The following PTPRE variants were observed in gnomAD, a reference collection of about 807,000 sequenced individuals.
The protein encoded by PTPRE is protein tyrosine phosphatase receptor type E, also known as receptor-type tyrosine-protein phosphatase epsilon.
A neutral mutation model predicts 102.0 loss-of-function variants in PTPRE; 51 were observed. The ratio of observed to expected loss-of-function variants is 0.50; its 90% confidence interval spans 0.40 to 0.63. The LOEUF (loss-of-function observed/expected upper bound fraction) is 0.63. Ranked by LOEUF, PTPRE falls within the 30% of genes least tolerant of loss-of-function variation. PTPRE has a pLI of 0.00. For synonymous variants in PTPRE, 345 were observed against 348.2 expected (o/e 0.99, Z 0.10); for missense variants, 752 against 915.1 (o/e 0.82, Z 2.30).
At chr10:127,939,960 G>A (rs1210918755) in intron 1 of PTPRE, among the ~76,000 whole-genome samples, 1 of 151,718 alleles carries the variant, frequency 6.6e-6, no homozygotes, top group Non-Finnish European at 1.5e-5. Flanking sequence ...GTGAGGGCAG[G>A]CGCAGGCAGA....
intron 2 of PTPRE, among the ~76,000 whole-genome samples, chr10:127,995,090 A>T (rs903242702): frequency 3.3e-5 from 5 of 152,150 alleles, no homozygotes. Context: ...GCCCAGTCCC[A>T]TGGTGGTGCC....
intron 1 of PTPRE, among the ~76,000 whole-genome samples, chr10:127,955,906 C>A (rs1831090): frequency 2.6e-5 from 4 of 151,812 alleles, no homozygotes; most frequent in African/African-American, 9.7e-5. Context: ...ACCTTTTAAA[C>A]CATCAGATCT....
Position 127,920,852 on chromosome 10 carries a change from G to A in PTPRE, c.-31+13543G>A, listed in dbSNP as rs1284543046. 2.0e-5 allele frequency among the ~76,000 whole-genome samples: 3 copies of A among 152,322 alleles called. No homozygotes were observed. In the East Asian group the frequency reaches 5.8e-4, roughly 29 times the overall value. ...AAGGCCCTGGCTCTCTCTCATATGTGCTCTGACAGACTCAGTCCTGTGGGG... is the reference window on the plus strand; with the variant it reads ...AAGGCCCTGGCTCTCTCTCATATGTACTCTGACAGACTCAGTCCTGTGGGG... On this transcript the variant is annotated intron_variant, in intron 1 of 20. Coordinates refer to ENST00000254667, the MANE Select transcript of PTPRE (RefSeq NM_006504.6).
intron 1 of PTPRE, among the ~76,000 whole-genome samples, chr10:127,973,943 A>G (rs898736320): frequency 3.3e-5 from 5 of 152,018 alleles, no homozygotes; most frequent in African/African-American, 1.2e-4. Flanking sequence ...GCCGCCCACC[A>G]CTGCCCTTGA....
intron 1 of PTPRE, among the ~76,000 whole-genome samples, chr10:127,965,315 C>CT (rs72280254): frequency 0.097 from 14,218 of 146,880 alleles, 738 homozygotes; most frequent in South Asian, 0.15. Context: ...ATAGCTCAAT[C>CT]TTTTTTTTTT....
At position 128,074,337 on chromosome 10, in the gene PTPRE, A is replaced by G. The variant is rs1590236529; in HGVS notation, c.1599+866A>G. Among the ~76,000 whole-genome samples the G allele has an allele frequency of 5.9e-5, 9 of 152,336 alleles. No individual in the cohort carries two copies. The South Asian group carries it at 1.9e-3, about 32-fold the overall frequency. On this transcript the variant is annotated intron_variant, in intron 17 of 20. Transcript: ENST00000254667. ...TGCATATCCATTCATCAGTTGATGGACATTTAGGTTGTTTCCACTTTGGAG... is the reference window on the plus strand; with the variant it reads ...TGCATATCCATTCATCAGTTGATGGGCATTTAGGTTGTTTCCACTTTGGAG...
chr10:127,995,400 G>A (rs1363694944), intron 2 of PTPRE, among the ~76,000 whole-genome samples: 2 of 152,158 alleles, frequency 1.3e-5, no homozygotes, highest in East Asian at 3.8e-4. Flanking sequence ...CGCGTCCCTG[G>A]AGATGGTTAT....
At chr10:127,979,844 CCTGCTCCAGAAACTT>C (rs1283358960) in intron 1 of PTPRE, among the ~76,000 whole-genome samples, 1 of 152,094 alleles carries the variant, frequency 6.6e-6, no homozygotes, top group African/African-American at 2.4e-5. Flanking sequence ...TGTCTGCAGC[CCTGCTCCAGAAACTT>C]CTGCATGGCA....
At chr10:128,062,213 C>T (rs1849668861) in intron 9 of PTPRE, among the ~76,000 whole-genome samples, 2 of 152,192 alleles carry the variant, frequency 1.3e-5, no homozygotes, top group Non-Finnish European at 1.5e-5. Flanking sequence ...GGTTAGATAT[C>T]AGTGGAGCTG....
chr10:128,001,658 C>T (rs774750039), intron 2 of PTPRE, among the ~76,000 whole-genome samples: 4 of 152,112 alleles, frequency 2.6e-5, no homozygotes, highest in Non-Finnish European at 4.4e-5. Flanking sequence ...GGAAACTCCT[C>T]ATAGAGGCAA....
chr10:128,064,309 A>G, intron 10 of PTPRE, among the ~76,000 whole-genome samples: 1 of 152,224 alleles, frequency 6.6e-6, no homozygotes, highest in East Asian at 1.9e-4. Flanking sequence ...GGAGGCTTTC[A>G]TTCTGCTCTG....
chr10:128,065,508 CA>C, intron 10 of PTPRE, among the ~76,000 whole-genome samples: 1 of 152,308 alleles, frequency 6.6e-6, no homozygotes, highest in Non-Finnish European at 1.5e-5. Flanking sequence ...CTGTCTGTAG[CA>C]ATGCACCCTC....
chr10:127,948,860 C>A (rs1848814034), intron 1 of PTPRE, among the ~76,000 whole-genome samples: 1 of 152,208 alleles, frequency 6.6e-6, no homozygotes, highest in Non-Finnish European at 1.5e-5. Context: ...AGGAATTTAG[C>A]ATTTGAGCCT....
At chr10:128,015,743 C>T (rs191508927) in intron 2 of PTPRE, among the ~76,000 whole-genome samples, 30 of 152,216 alleles carry the variant, frequency 2.0e-4, no homozygotes, top group Non-Finnish European at 3.8e-4. Context: ...CCCTGGAATT[C>T]GAGGTTACAG....
At chr10:127,958,006 C>G in intron 1 of PTPRE, among the ~76,000 whole-genome samples, 1 of 152,308 alleles carries the variant, frequency 6.6e-6, no homozygotes, top group Non-Finnish European at 1.5e-5. Context: ...TTCTGGCATA[C>G]AGAAAAGTGA....
chr10:127,907,451 C>T lies in PTPRE; in HGVS notation c.-31+142C>T, dbSNP rs1589700494. ...GGGGCTCAGAGTCCGGACCCCGGCCCCGCCGCCCCCGCGGCGCGCCCAGTA... is the reference window on the plus strand; with the variant it reads ...GGGGCTCAGAGTCCGGACCCCGGCCTCGCCGCCCCCGCGGCGCGCCCAGTA... On this transcript the variant is annotated intron_variant, in intron 1 of 20. Coordinates refer to ENST00000254667, the MANE Select transcript of PTPRE (RefSeq NM_006504.6). The surrounding 1 kb of genome is among the most constrained non-coding windows in gnomAD (Gnocchi z 4.8). 1.8e-6 allele frequency: 1 copy of T among 544,510 alleles called. No homozygotes were observed. The highest frequency in any genetic ancestry group is 2.1e-5 in the African/African-American group (1 of 48,230). The allele number at this position is 544,510 out of a possible 1,614,324, so 33.7% of individuals were successfully genotyped here.
At chr10:127,926,661 G>A (rs1330817165) in intron 1 of PTPRE, among the ~76,000 whole-genome samples, 3 of 152,194 alleles carry the variant, frequency 2.0e-5, no homozygotes, top group South Asian at 2.1e-4. Flanking sequence ...CTGTGTGTCC[G>A]AAGTAGTCAT....
chr10:127,972,705 C>T (rs547932182), intron 1 of PTPRE, among the ~76,000 whole-genome samples: 2 of 152,182 alleles, frequency 1.3e-5, no homozygotes, highest in Admixed American at 1.3e-4. Context: ...GAGGGGCTGA[C>T]CAAGGTCACC....
At chr10:127,987,742 C>T (rs552482287) in intron 2 of PTPRE, among the ~76,000 whole-genome samples, 11 of 152,232 alleles carry the variant, frequency 7.2e-5, no homozygotes, top group Non-Finnish European at 1.6e-4. Flanking sequence ...TTGCTGGGGA[C>T]ATAGGCCGGC....
Sources: gnomAD v4.1 joint callset for allele counts (sites outside exome capture counted in the v4.1 genomes callset) on GRCh38, gnomAD v4.1.1 for gene constraint, Gnocchi (gnomAD v3.1) non-coding constraint, MANE v1.5 for transcripts, NCBI Gene and HGNC (gene_info 2026-07-23, HGNC 2026-07-21) for gene names.